PRKCE: variants seen among roughly 807,000 people sequenced by gnomAD.
PRKCE encodes the protein protein kinase C epsilon type.
A neutral mutation model predicts 85.4 loss-of-function variants in PRKCE; 16 were observed. That is an observed-to-expected ratio of 0.19 (90% CI 0.13 to 0.28). The LOEUF (loss-of-function observed/expected upper bound fraction) is 0.28, where lower values mean the gene tolerates loss of function less well. Among genes scored for constraint, PRKCE ranks in the 10% least tolerant of loss-of-function variants. The pLI, the probability that PRKCE is intolerant of heterozygous loss-of-function variation, is 1.00. For missense variants in PRKCE, 573 were observed against 975.2 expected, an observed-to-expected ratio of 0.59 and a Z score of 5.49; for synonymous variants, 388 against 371.5, an observed-to-expected ratio of 1.04 and a Z score of -0.51.
chr2:45,790,318 T>C (rs944440474), intron 1 of PRKCE, among the ~76,000 whole-genome samples: 1 of 152,154 alleles, frequency 6.6e-6, no homozygotes, highest in Non-Finnish European at 1.5e-5. Flanking sequence ...GAAAAGATAA[T>C]ATGAAAATGT....
intron 2 of PRKCE, among the ~76,000 whole-genome samples, chr2:45,945,439 G>C (rs1387805189): frequency 6.6e-6 from 1 of 151,636 alleles, no homozygotes; most frequent in Non-Finnish European, 1.5e-5. Flanking sequence ...TTGTTATCAG[G>C]ACAGCCCCAA....
intron 10 of PRKCE, among the ~76,000 whole-genome samples, chr2:46,023,089 C>CAAAAAAAAAAAAAAA (rs397984467): frequency 2.5e-4 from 18 of 71,508 alleles, no homozygotes; most frequent in African/African-American, 7.3e-4. Flanking sequence ...GACTCCGTCT[C>CAAAAAAAAAAAAAAA]AAAAAAAAAA....
intron 14 of PRKCE, among the ~76,000 whole-genome samples, chr2:46,162,868 A>C (rs988554856): frequency 6.6e-6 from 1 of 152,226 alleles, no homozygotes; most frequent in Non-Finnish European, 1.5e-5. Flanking sequence ...AAGTGACCCA[A>C]ATCTGTCCCT....
At chr2:45,803,251 C>T (rs906527950) in intron 1 of PRKCE, among the ~76,000 whole-genome samples, 1 of 152,182 alleles carries the variant, frequency 6.6e-6, no homozygotes, top group Admixed American at 6.5e-5. Flanking sequence ...TTGAATTGTA[C>T]AGGATGATCT....
chr2:45,902,502 G>A (rs761185303), intron 2 of PRKCE, among the ~76,000 whole-genome samples: 3 of 152,162 alleles, frequency 2.0e-5, no homozygotes, highest in Non-Finnish European at 2.9e-5. Flanking sequence ...AGTCAAATCA[G>A]GATATTTGGA....
At chr2:45,771,467 G>A (rs1305395074) in intron 1 of PRKCE, among the ~76,000 whole-genome samples, 2 of 152,050 alleles carry the variant, frequency 1.3e-5, no homozygotes, top group Non-Finnish European at 2.9e-5. Flanking sequence ...CGGCCTCAGG[G>A]TGACCTCTCT....
intron 11 of PRKCE, among the ~76,000 whole-genome samples, chr2:46,098,164 C>G (rs1208735167): frequency 6.6e-6 from 1 of 152,160 alleles, no homozygotes; most frequent in East Asian, 1.9e-4. Context: ...CATGGTAGCT[C>G]ATATAGAACT....
chr2:45,871,906 A>T (rs1490348668), intron 2 of PRKCE, among the ~76,000 whole-genome samples: 1 of 152,146 alleles, frequency 6.6e-6, no homozygotes, highest in Admixed American at 6.5e-5. Context: ...AACCTGAGGA[A>T]CTTGGAGCAG....
chr2:46,031,031 T>C lies in PRKCE; in HGVS notation c.1437+20514T>C, dbSNP rs1207275863. Among the ~76,000 whole-genome samples the C allele has an allele frequency of 3.9e-5, 6 of 152,324 alleles. No individual in the cohort carries two copies. In the South Asian group the frequency reaches 8.3e-4, roughly 21 times the overall value. On this transcript the variant is annotated intron_variant, in intron 10 of 14. Coordinates refer to ENST00000306156, the MANE Select transcript of PRKCE (RefSeq NM_005400.3). ...AATGATGTACCATGCTCTATGTGAG[T>C]AGGGATGAATATTTAAATGGATTTC...
At chr2:45,848,347 G>A (rs1040053134) in intron 2 of PRKCE, among the ~76,000 whole-genome samples, 1 of 151,072 alleles carries the variant, frequency 6.6e-6, no homozygotes, top group African/African-American at 2.4e-5. Flanking sequence ...GTCTTGCTCT[G>A]TCGCCCAGGC....
intron 2 of PRKCE, among the ~76,000 whole-genome samples, chr2:45,975,860 C>T (rs1285777943): frequency 6.6e-6 from 1 of 152,142 alleles, no homozygotes; most frequent in Non-Finnish European, 1.5e-5. Flanking sequence ...GGAAAATGCT[C>T]TTGGTTGGCT....
rs1284044655 is a variant in PRKCE at position 46,007,513 on chromosome 2, G to A, written c.1115G>A (p.Arg372Gln). 9 of 1,599,786 alleles carry A rather than the reference G, an allele frequency of 5.6e-6. No individual in the cohort carries two copies. Among genetic ancestry groups the A allele is most frequent in the African/African-American group, 4.0e-5 (3 of 75,074 alleles). Residue 372 changes from arginine to glutamine, a missense_variant, in exon 9 of 15, where the codon CGA becomes CAA. Physicochemically the swap from Arg to Gln is conservative, Grantham distance 43 (BLOSUM62 1). Around this residue, in one of 11 missense-constraint regions of PRKCE, gnomAD observed 117 missense variants for 104.8 expected, o/e 1.12. Coordinates refer to ENST00000306156, the MANE Select transcript of PRKCE (RefSeq NM_005400.3). ...CGGAAAGCCTTGTCATTTGACAACC[G>A]AGGAGAGGAGCACCGGGCAGCATCG... ...NIRKALSFDN[R>Q]GEEHRAASSP... is the part of the protein sequence containing the mutation.
chr2:45,659,700 T>G (rs1486944752), intron 1 of PRKCE, among the ~76,000 whole-genome samples: 1 of 152,332 alleles, frequency 6.6e-6, no homozygotes, highest in Admixed American at 6.5e-5. Flanking sequence ...CATCCCATTT[T>G]TTTAGAATGC....
chr2:45,671,360 A>G (rs1676150191), intron 1 of PRKCE, among the ~76,000 whole-genome samples: 1 of 152,198 alleles, frequency 6.6e-6, no homozygotes, highest in South Asian at 2.1e-4. Context: ...TTTAGGACAA[A>G]GGTTTTTTAC....
At chr2:46,182,044 ACT>A (rs989928546) in intron 14 of PRKCE, among the ~76,000 whole-genome samples, 34 of 151,238 alleles carry the variant, frequency 2.2e-4, no homozygotes, top group African/African-American at 8.3e-4. Context: ...CTATTCCTTG[ACT>A]CTCTTTTTCT....
intron 7 of PRKCE, among the ~76,000 whole-genome samples, chr2:46,003,397 T>A (rs972479271): frequency 6.6e-6 from 1 of 152,236 alleles, no homozygotes; most frequent in African/African-American, 2.4e-5. Flanking sequence ...TATGCCAGCA[T>A]CTATGCGAAG....
At chr2:45,913,758 C>T (rs1387283435) in intron 2 of PRKCE, among the ~76,000 whole-genome samples, 1 of 152,162 alleles carries the variant, frequency 6.6e-6, no homozygotes, top group African/African-American at 2.4e-5. Context: ...AACCTGCAGA[C>T]ATTGTCCCTG....
At chr2:45,789,645 G>C (rs935126947) in intron 1 of PRKCE, among the ~76,000 whole-genome samples, 6 of 152,122 alleles carry the variant, frequency 3.9e-5, no homozygotes, top group South Asian at 2.1e-4. Context: ...TGGGGGAAAG[G>C]GGGGAAAGAC....
intron 1 of PRKCE, among the ~76,000 whole-genome samples, chr2:45,662,670 C>G (rs868524004): frequency 3.4e-5 from 5 of 146,616 alleles, no homozygotes; most frequent in Admixed American, 1.4e-4. Flanking sequence ...CCTTGTCTCC[C>G]CTGCAAAAGG....
Sources: allele counts gnomAD v4.1 joint callset (sites outside exome capture counted in the v4.1 genomes callset), GRCh38; gene constraint gnomAD v4.1.1; regional missense constraint gnomAD v4.1.1; transcripts MANE v1.5; gene names NCBI Gene and HGNC (gene_info 2026-07-23, HGNC 2026-07-21).